PAPOLG: variants seen among roughly 807,000 people sequenced by gnomAD.
PAPOLG encodes the protein poly(A) polymerase gamma, also known as PAP-gamma.
Under a neutral mutation model 99.0 loss-of-function variants are expected in PAPOLG, and 40 were observed. The ratio of observed to expected loss-of-function variants is 0.40; its 90% CI spans 0.31 to 0.53. The LOEUF (loss-of-function observed/expected upper bound fraction) is 0.53, where lower values mean the gene tolerates loss of function less well. Among genes scored for constraint, PAPOLG ranks in the 20% least tolerant of loss-of-function variants. The pLI is 0.41. For synonymous variants in PAPOLG, 310 were observed against 299.3 expected (o/e 1.04, Z -0.37); for missense variants, 675 against 884.1 (o/e 0.76, Z 3.00).
At chr2:60,774,313 A>G (rs964068801) in intron 7 of PAPOLG, among the ~76,000 whole-genome samples, 1 of 151,282 alleles carries the variant, frequency 6.6e-6, no homozygotes, top group East Asian at 2.0e-4. Context: ...TTATAAAAAA[A>G]GTTTGACCTC....
chr2:60,775,548 G>T (rs1340393219), intron 8 of PAPOLG, among the ~76,000 whole-genome samples: 1 of 152,054 alleles, frequency 6.6e-6, no homozygotes, highest in Non-Finnish European at 1.5e-5. Flanking sequence ...ATAAAGCCTG[G>T]AACTGTTACT....
At chr2:60,763,918 T>C (rs1354179317) in intron 3 of PAPOLG, among the ~76,000 whole-genome samples, 1 of 152,014 alleles carries the variant, frequency 6.6e-6, no homozygotes, top group East Asian at 1.9e-4. Flanking sequence ...TTCTCTTGCC[T>C]CAGCCTCCCG....
chr2:60,799,040 CTATT>C lies in PAPOLG; in HGVS notation c.*1882_*1885del, dbSNP rs1671790518. On this transcript the variant is annotated 3_prime_UTR_variant, in exon 22 of 22. Transcript: ENST00000238714. Reference sequence around the variant, plus strand: ...GTTTTGGGATTGTTCTACAAATAGTCTATTTGAGCAAAAATGAATGATTATGAAA... The same window carrying C: ...GTTTTGGGATTGTTCTACAAATAGTCTGAGCAAAAATGAATGATTATGAAA... The C allele has an allele frequency of 6.6e-6, 1 of 152,442 alleles. No homozygotes were observed. Among genetic ancestry groups the C allele is most frequent in the Admixed American group, 6.5e-5 (1 of 15,296 alleles). 9.4% of individuals were successfully genotyped at this position (152,442 alleles called of 1,614,324 possible).
chr2:60,781,874 TA>T lies in PAPOLG; in HGVS notation c.907-9del. The stretch of plus-strand genomic sequence containing the variant: ...GAGAATAGATCAGTTATTCTGCTTC[TA>T]ATTTCACAGGTAAATCCATCAGATA... On this transcript the variant is annotated splice_polypyrimidine_tract_variant and intron_variant, in intron 10 of 21. Coordinates refer to ENST00000238714, the MANE Select transcript of PAPOLG (RefSeq NM_022894.4). 6.2e-7 allele frequency: 1 copy of T among 1,613,936 alleles called. No homozygotes were observed. Among genetic ancestry groups the T allele is most frequent in the East Asian group, 2.2e-5 (1 of 44,852 alleles).
chr2:60,797,426 T>C lies in PAPOLG; in HGVS notation c.*266T>C. 2.5e-6 allele frequency: 1 copy of C among 407,842 alleles called. No individual in the cohort carries two copies. Among genetic ancestry groups the C allele is most frequent in the East Asian group, 4.0e-5 (1 of 24,732 alleles). The allele number at this position is 407,842 out of a possible 1,614,324, so 25.3% of individuals were successfully genotyped here. On this transcript the variant is annotated 3_prime_UTR_variant, in exon 22 of 22. Coordinates refer to ENST00000238714, the MANE Select transcript of PAPOLG (RefSeq NM_022894.4). ...AGTATTACAGCTTTGCATTTGGGGG[T>C]TTTACTGCCTTAACTTTCAATGCTT...
At chr2:60,768,745 A>C (rs1265393635) in intron 4 of PAPOLG, 36 bp from the exon 5 acceptor site, 1 of 1,475,766 alleles carries the variant, frequency 6.8e-7, no homozygotes. Context: ...TATAACACAT[A>C]ATATATTCTT....
intron 9 of PAPOLG, 124 bp from the exon 10 acceptor site, chr2:60,780,583 C>T: frequency 3.0e-6 from 3 of 1,012,268 alleles, no homozygotes; most frequent in South Asian, 1.6e-5. Flanking sequence ...GCCTTTTTTT[C>T]CTTTAATACC....
Position 60,756,323 on chromosome 2 carries a change from A to C in PAPOLG, c.-156A>C. ...ATAGAGCCGGTTTTGTGGTGTTTTCACTACTCGGTTGGATGCCTCAGCCAT... is the reference window on the plus strand; with the variant it reads ...ATAGAGCCGGTTTTGTGGTGTTTTCCCTACTCGGTTGGATGCCTCAGCCAT... On this transcript the variant is annotated 5_prime_UTR_variant, in exon 1 of 22. Coordinates refer to ENST00000238714, the MANE Select transcript of PAPOLG (RefSeq NM_022894.4). The C allele has an allele frequency of 1.1e-6, 1 of 874,584 alleles. No individual in the cohort carries two copies. Among genetic ancestry groups the C allele is most frequent in the Non-Finnish European group, 1.9e-6 (1 of 530,592 alleles). 54.2% of individuals were successfully genotyped at this position (874,584 alleles called of 1,614,324 possible).
chr2:60,786,710 A>G (rs2103812374), intron 13 of PAPOLG, among the ~76,000 whole-genome samples: 1 of 152,128 alleles, frequency 6.6e-6, no homozygotes, highest in South Asian at 2.1e-4. Context: ...TTGTATTTTT[A>G]GTAGAGACGG....
chr2:60,792,022 T>A, intron 16 of PAPOLG, 107 bp from the exon 17 acceptor site: 1 of 1,457,108 alleles, frequency 6.9e-7, no homozygotes, highest in Non-Finnish European at 9.3e-7. Context: ...AAAATCTCAT[T>A]TTCATTAATC....
At chr2:60,784,934 C>T (rs2103808629) in intron 13 of PAPOLG, among the ~76,000 whole-genome samples, 1 of 152,260 alleles carries the variant, frequency 6.6e-6, no homozygotes, top group East Asian at 1.9e-4. Flanking sequence ...TGTTAAAGCA[C>T]ACATAATTAT....
rs1004791857 is a variant in PAPOLG at position 60,756,274 on chromosome 2, G to A, written c.-205G>A. 11 of 632,374 alleles carry A rather than the reference G, an allele frequency of 1.7e-5. No individual in the cohort carries two copies. The highest frequency in any genetic ancestry group is 1.5e-4 in the African/African-American group (8 of 52,398). 39.2% of individuals were successfully genotyped at this position (632,374 alleles called of 1,614,324 possible). ...GGCTGGGAAGCGGCGCCATATTGGC[G>A]TCGGCCGCGCTGTATTGTCATAAAT... On this transcript the variant is annotated 5_prime_UTR_variant, in exon 1 of 22. Coordinates refer to ENST00000238714, the MANE Select transcript of PAPOLG (RefSeq NM_022894.4).
chr2:60,785,750 T>C (rs576228514), intron 13 of PAPOLG, among the ~76,000 whole-genome samples: 4 of 151,258 alleles, frequency 2.6e-5, no homozygotes, highest in South Asian at 2.1e-4. Flanking sequence ...CCAGGTGATC[T>C]CGAACTCCTG....
chr2:60,770,589 C>A, intron 6 of PAPOLG, 78 bp downstream of exon 6: 7 of 837,368 alleles, frequency 8.4e-6, no homozygotes, highest in East Asian at 2.9e-5. Flanking sequence ...TCAGGCTTAA[C>A]ATAAATGCAT....
chr2:60,778,041 A>G (rs148561111), intron 8 of PAPOLG, among the ~76,000 whole-genome samples: 2,176 of 152,338 alleles, frequency 0.014, 35 homozygotes, highest in Non-Finnish European at 0.025. Flanking sequence ...GTGCTGAAAG[A>G]TTTTCTCAAC....
rs796228057 is a variant in PAPOLG at position 60,801,255 on chromosome 2, GA to G, written c.*4106del. ...ATAAATATAAAAGTGATAGTTTAGG[GA>G]AAAAAAAAAACTTTGTATAAATAAA... On this transcript the variant is annotated 3_prime_UTR_variant, in exon 22 of 22. Coordinates refer to ENST00000238714, the MANE Select transcript of PAPOLG (RefSeq NM_022894.4). 51 of 144,932 alleles carry G rather than the reference GA, an allele frequency of 3.5e-4. No individual in the cohort carries two copies. The highest frequency in any genetic ancestry group is 3.3e-3 in the East Asian group (17 of 5,136). 9.0% of individuals were successfully genotyped at this position (144,932 alleles called of 1,614,324 possible). A position where few individuals can be genotyped will look rare whatever the true frequency, so the allele number is the denominator to read the frequency against.
chr2:60,789,992 G>A (rs1382130909), intron 15 of PAPOLG, among the ~76,000 whole-genome samples: 1 of 152,184 alleles, frequency 6.6e-6, no homozygotes, highest in Non-Finnish European at 1.5e-5. Flanking sequence ...TATTCCAGAG[G>A]CTAAGGCAGG....
intron 19 of PAPOLG, 122 bp downstream of exon 19, chr2:60,794,313 A>C (rs572156137): frequency 2.0e-6 from 2 of 1,005,828 alleles, no homozygotes; most frequent in South Asian, 1.8e-5. Context: ...TATTTACCCA[A>C]ATCTTAAAGA....
At chr2:60,775,148 T>A (rs558283578) in intron 8 of PAPOLG, 25 bp downstream of exon 8, 1 of 1,586,198 alleles carries the variant, frequency 6.3e-7, no homozygotes, top group African/African-American at 1.4e-5. Context: ...TCTTTTATGT[T>A]TGCATTATAA....
Sources: allele counts gnomAD v4.1 joint callset (sites outside exome capture counted in the v4.1 genomes callset), GRCh38; gene constraint gnomAD v4.1.1; transcripts MANE v1.5; gene names NCBI Gene and HGNC (gene_info 2026-07-23, HGNC 2026-07-21).